Variants in SYCP3 observed in about 807,000 individuals in gnomAD.
SYCP3 encodes synaptonemal complex protein 3.
Under a neutral mutation model 38.5 loss-of-function variants are expected in SYCP3, and 29 were observed. The observed-to-expected ratio is 0.75, with a 90% CI of 0.56 to 1.03. SYCP3 has a LOEUF of 1.03. Among genes scored for constraint, SYCP3 ranks in the 50% least tolerant of loss-of-function variants. The pLI, the probability that SYCP3 is intolerant of heterozygous loss-of-function variation, is 0.00. For synonymous variants in SYCP3, 79 were observed against 80.3 expected (o/e 0.98, Z 0.08); for missense variants, 242 against 270.7 (o/e 0.89, Z 0.74).
rs201662453 is a variant in SYCP3 at position 101,730,491 on chromosome 12, A to ATTTT, written c.552+1073_552+1076dup. The ATTTT allele has an allele frequency of 2.0e-3, 669 of 328,722 alleles. 2 individuals carry two copies. The highest frequency in any genetic ancestry group is 5.4e-3 in the African/African-American group (188 of 34,914). 20.4% of individuals were successfully genotyped at this position (328,722 alleles called of 1,614,324 possible). A position where few individuals can be genotyped will look rare whatever the true frequency, so the allele number is the denominator to read the frequency against. On this transcript the variant is annotated intron_variant, in intron 7 of 8. Transcript: ENST00000392924. ...TTTTAAAATAACATGTGTGTGTATA[A>ATTTT]TTTTTTTTTTTTTTTTTTTTTTGAG...
intron 7 of SYCP3, chr12:101,729,496 A>G (rs1314613960): frequency 3.2e-6 from 1 of 311,724 alleles, no homozygotes; most frequent in African/African-American, 2.2e-5. Flanking sequence ...GAAGTCCCAC[A>G]TCAGTAAAAA....
rs990476133 is a variant in SYCP3 at position 101,737,683 on chromosome 12, T to C, written c.133+120A>G. ...TGTCAGCAGGTTCTGTAACCACAAA[T>C]ACCGGGGGAGGGAAGACCATACCTG... is the stretch of plus-strand genomic sequence containing the variant. On this transcript the variant is annotated intron_variant, in intron 2 of 8. Coordinates refer to ENST00000392924, the MANE Select transcript of SYCP3 (RefSeq NM_001177949.2). 5 of 1,411,266 alleles carry C rather than the reference T, an allele frequency of 3.5e-6. No homozygotes were observed. The African/African-American group carries it at 4.2e-5, about 12-fold the overall frequency. The allele number at this position is 1,411,266 out of a possible 1,614,324, so 87.4% of individuals were successfully genotyped here.
chr12:101,736,949 C>G (rs1952473050), intron 4 of SYCP3, 88 bp downstream of exon 4: 1 of 1,258,870 alleles, frequency 7.9e-7, no homozygotes, highest in Admixed American at 1.8e-5. Flanking sequence ...AAATAACAGT[C>G]TTATAGTCCA....
At chr12:101,732,004 G>C (rs1431211965) in intron 6 of SYCP3, 1 of 227,364 alleles carries the variant, frequency 4.4e-6, no homozygotes, top group African/African-American at 2.3e-5. Context: ...CCCTACTTTA[G>C]CCATTGACTT....
rs971938089 is a variant in SYCP3 at position 101,739,213 on chromosome 12, G to T, written c.-18+138C>A. 20 of 974,524 alleles carry T rather than the reference G, an allele frequency of 2.1e-5. No homozygotes were observed. In the African/African-American group the frequency reaches 3.2e-4, roughly 15 times the overall value. 60.4% of individuals were successfully genotyped at this position (974,524 alleles called of 1,614,324 possible). On this transcript the variant is annotated intron_variant, in intron 1 of 8. Coordinates refer to ENST00000392924, the MANE Select transcript of SYCP3 (RefSeq NM_001177949.2). Reference sequence around the variant, plus strand: ...TCCACTAGGCCCTATCCTGCTCAAGGCCCTGTCCTCAGGTTCGCGGCCTCC... The same window carrying T: ...TCCACTAGGCCCTATCCTGCTCAAGTCCCTGTCCTCAGGTTCGCGGCCTCC...
At chr12:101,731,490 C>A in intron 7 of SYCP3, 78 bp downstream of exon 7, 1 of 1,014,060 alleles carries the variant, frequency 9.9e-7, no homozygotes, top group Non-Finnish European at 1.4e-6. Context: ...TTCCCATAAA[C>A]TTAGAAAGAA....
At chr12:101,731,463 A>G in intron 7 of SYCP3, 105 bp downstream of exon 7, 1 of 666,324 alleles carries the variant, frequency 1.5e-6, no homozygotes, top group East Asian at 3.1e-5. Flanking sequence ...AAAAGTAGTT[A>G]AAGTCTAAAA....
chr12:101,730,246 G>C (rs375177976), intron 7 of SYCP3, among the ~76,000 whole-genome samples: 3 of 152,242 alleles, frequency 2.0e-5, no homozygotes, highest in East Asian at 3.9e-4. Flanking sequence ...AAGAACCACT[G>C]CAGAAGTAAA....
Position 101,729,198 on chromosome 12 carries a change from C to T in SYCP3, c.568G>A (p.Glu190Lys). The T allele has an allele frequency of 6.2e-7, 1 of 1,612,830 alleles. No individual in the cohort carries two copies. The highest frequency in any genetic ancestry group is 8.5e-7 in the Non-Finnish European group (1 of 1,179,470). ...EQFIKSMEEL[E>K]KNHDNLLTGA... ...GTAAGTAGATTATCATGATTCTTCT[C>T]CAACTCTTCCATACTCTAAAAACAC... is the stretch of plus-strand genomic sequence containing the variant. Residue 190 changes from glutamate (E) to lysine (K), a missense_variant, in exon 8 of 9, where the codon GAG (glutamate) becomes AAG (lysine). Glu to Lys is a moderately conservative substitution (Grantham distance 56, BLOSUM62 1). Transcript: ENST00000392924.
rs528797711 is a variant in SYCP3 at position 101,733,846 on chromosome 12, A to AT, written c.354-173dup. Among the ~76,000 whole-genome samples, 7 of 152,018 alleles carry AT rather than the reference A, an allele frequency of 4.6e-5. No homozygotes were observed. The South Asian group carries it at 1.2e-3, about 27-fold the overall frequency. Reference sequence around the variant, plus strand: ...TATGATTTACACTGATTCCAGAAGTATTTTTTTTCTAACAAACTAATAGAA... The same window carrying AT: ...TATGATTTACACTGATTCCAGAAGTATTTTTTTTTCTAACAAACTAATAGAA... On this transcript the variant is annotated intron_variant, in intron 5 of 8. Coordinates refer to ENST00000392924, the MANE Select transcript of SYCP3 (RefSeq NM_001177949.2).
At chr12:101,739,193 T>G in intron 1 of SYCP3, 158 bp downstream of exon 1, 1 of 265,746 alleles carries the variant, frequency 3.8e-6, no homozygotes, top group Non-Finnish European at 5.6e-6. Flanking sequence ...CGCTTTCCAC[T>G]AGGCCCTATC....
chr12:101,730,673 G>A (rs1046456055), intron 7 of SYCP3: 1 of 287,048 alleles, frequency 3.5e-6, no homozygotes. Context: ...TTGTTTGTTT[G>A]TTTGTTCTTA....
At chr12:101,737,605 C>T (rs1434622091) in intron 2 of SYCP3, 198 bp downstream of exon 2, 23 of 736,538 alleles carry the variant, frequency 3.1e-5, no homozygotes, top group Admixed American at 8.0e-5. Context: ...TCTGTAACTC[C>T]GATACTGCAA....
At chr12:101,729,469 C>A in intron 7 of SYCP3, 1 of 357,574 alleles carries the variant, frequency 2.8e-6, no homozygotes, top group Admixed American at 4.5e-5. Flanking sequence ...CTGTTAAGGT[C>A]AAGATAAAAA....
intron 7 of SYCP3, 107 bp from the exon 8 acceptor site, chr12:101,729,320 C>T: frequency 9.2e-7 from 1 of 1,092,222 alleles, no homozygotes; most frequent in Non-Finnish European, 1.3e-6. Context: ...TATTCAAATG[C>T]TCATCTATTT....
chr12:101,736,403 CTGTA>C (rs1347818741), intron 4 of SYCP3, among the ~76,000 whole-genome samples: 6 of 152,074 alleles, frequency 3.9e-5, no homozygotes, highest in African/African-American at 1.4e-4. Flanking sequence ...AAAGAGTTGA[CTGTA>C]TGAACAATCC....
At position 101,728,783 on chromosome 12, in the gene SYCP3, AC is replaced by A; in HGVS notation, c.*143del. On this transcript the variant is annotated 3_prime_UTR_variant, in exon 9 of 9. Transcript: ENST00000392924. ...CTCATAACTATTTAGATTTGACTTA[AC>A]AGAAAGGGAGGTCTTACAATGAAAC... is the stretch of plus-strand genomic sequence containing the variant. The A allele has an allele frequency of 8.6e-7, 1 of 1,169,198 alleles. No individual in the cohort carries two copies. The highest frequency in any genetic ancestry group is 1.2e-6 in the Non-Finnish European group (1 of 818,246). The allele number at this position is 1,169,198 out of a possible 1,614,324, so 72.4% of individuals were successfully genotyped here. A position where few individuals can be genotyped will look rare whatever the true frequency, so the allele number is the denominator to read the frequency against.
chr12:101,735,871 A>ATATATATATATATATTTTTTT, intron 4 of SYCP3, among the ~76,000 whole-genome samples: 8 of 74,756 alleles, frequency 1.1e-4, no homozygotes, highest in African/African-American at 5.0e-4. Flanking sequence ...ATATATATAT[A>ATATATATATATATATTTTTTT]TTTTTTTTTT....
intron 7 of SYCP3, chr12:101,729,644 G>A (rs192011095): frequency 5.6e-5 from 9 of 160,422 alleles, no homozygotes; most frequent in Admixed American, 1.2e-4. Context: ...TATGTCTTAC[G>A]TCTTTATTAT....
Sources: allele counts gnomAD v4.1 joint callset (sites outside exome capture counted in the v4.1 genomes callset), GRCh38; gene constraint gnomAD v4.1.1; transcripts MANE v1.5; gene names NCBI Gene and HGNC (gene_info 2026-07-23, HGNC 2026-07-21).